Variants in PRR5 observed in about 807,000 individuals in gnomAD.
The protein encoded by PRR5 is proline rich 5.
In PRR5, 25 loss-of-function variants were observed where a neutral mutation model predicts 30.6. The ratio of observed to expected loss-of-function variants is 0.82; its 90% CI spans 0.60 to 1.14. PRR5 has a LOEUF of 1.14. Among genes scored for constraint, PRR5 ranks in the 50% most tolerant of loss-of-function variants. The pLI, the probability that PRR5 is intolerant of heterozygous loss-of-function variation, is 0.00. For synonymous variants in PRR5, 286 were observed against 247.1 expected (o/e 1.16, Z -1.48); for missense variants, 600 against 547.1 (o/e 1.10, Z -0.96).
chr22:44,712,516 G>A (rs1042227068), intron 1 of PRR5, among the ~76,000 whole-genome samples: 5 of 152,224 alleles, frequency 3.3e-5, no homozygotes, highest in African/African-American at 1.2e-4. Flanking sequence ...CTGGGAGAAG[G>A]AGCACAGGGG....
rs374357842 is a variant in PRR5 at position 44,708,697 on chromosome 22, T to A, written c.135-5894T>A. ...AATGGTACAGGGAGGCCAAACGCCG[T>A]AGCTCATGCCTGTAATCCCAGCACT... On this transcript the variant is annotated intron_variant, in intron 1 of 7. Coordinates refer to ENST00000336985, the MANE Select transcript of PRR5 (RefSeq NM_181333.4). Among the ~76,000 whole-genome samples the A allele has an allele frequency of 5.3e-5, 8 of 152,270 alleles. No individual in the cohort carries two copies. In the East Asian group the frequency reaches 1.2e-3, roughly 22 times the overall value.
At chr22:44,731,931 C>A in intron 5 of PRR5, 110 bp downstream of exon 5, 1 of 943,896 alleles carries the variant, frequency 1.1e-6, no homozygotes, top group Non-Finnish European at 1.5e-6. Flanking sequence ...ACCTGCTCTG[C>A]TCTGTGCTGC....
Position 44,735,013 on chromosome 22 carries a change from C to T in PRR5, c.556-14C>T, listed in dbSNP as rs1403936661. The T allele has an allele frequency of 1.9e-6, 3 of 1,609,870 alleles. No individual in the cohort carries two copies. Among genetic ancestry groups the T allele is most frequent in the Non-Finnish European group, 2.5e-6 (3 of 1,177,644 alleles). The stretch of plus-strand genomic sequence containing the variant: ...GGTGCATGACCCCCTACCCCCTGCC[C>T]CACTCTCCTGCAGGGGGTACATGAG... On this transcript the variant is annotated splice_polypyrimidine_tract_variant and intron_variant, in intron 6 of 7. Transcript: ENST00000336985.
chr22:44,708,429 T>C (rs1002037834), intron 1 of PRR5, among the ~76,000 whole-genome samples: 6 of 151,982 alleles, frequency 3.9e-5, no homozygotes, highest in African/African-American at 1.5e-4. Flanking sequence ...GGCAGGGCCC[T>C]AAAGGACCTT....
At chr22:44,733,019 A>ATACTACACACG (rs1569112293) in intron 6 of PRR5, among the ~76,000 whole-genome samples, 1 of 37,940 alleles carries the variant, frequency 2.6e-5, no homozygotes, top group African/African-American at 4.2e-5. Flanking sequence ...ACACGTGCAC[A>ATACTACACACG]TGCACATACA....
intron 4 of PRR5, among the ~76,000 whole-genome samples, chr22:44,728,511 G>A (rs764119696): frequency 2.6e-5 from 4 of 152,244 alleles, no homozygotes; most frequent in Non-Finnish European, 5.9e-5. Context: ...TTGTGAAGGA[G>A]TGTCCTGGGG....
intron 1 of PRR5, among the ~76,000 whole-genome samples, chr22:44,712,799 G>A (rs1928459204): frequency 6.6e-6 from 1 of 152,208 alleles, no homozygotes. Flanking sequence ...TCCTGGGTGG[G>A]CGGTGGCTGT....
At chr22:44,684,394 A>C (rs893162442) in intron 1 of PRR5, among the ~76,000 whole-genome samples, 3 of 152,168 alleles carry the variant, frequency 2.0e-5, no homozygotes, top group Non-Finnish European at 4.4e-5. Flanking sequence ...AAAAATACAA[A>C]AATTAGCTGG....
chr22:44,692,710 G>T (rs1925389226), intron 1 of PRR5, among the ~76,000 whole-genome samples: 1 of 152,220 alleles, frequency 6.6e-6, no homozygotes, highest in South Asian at 2.1e-4. Context: ...AAGGTGCCTT[G>T]GGAAGAATAC....
At position 44,736,996 on chromosome 22, in the gene PRR5, A is replaced by T; in HGVS notation, c.916A>T (p.Thr306Ser). The T allele has an allele frequency of 1.9e-6, 3 of 1,600,052 alleles. No individual in the cohort carries two copies. The highest frequency in any genetic ancestry group is 2.6e-6 in the Non-Finnish European group (3 of 1,173,488). ...CCCGCCCGGCCAGGGCCCCACCGGGACCTTCAGGTCCTCCCCGGCGCCCCA... is the reference window on the plus strand; with the variant it reads ...CCCGCCCGGCCAGGGCCCCACCGGGTCCTTCAGGTCCTCCCCGGCGCCCCA... ...SDPPGQGPTG[T>S]FRSSPAPHSG... The change falls in exon 8 of 8, where the codon ACC becomes TCC. Residue 306 changes from threonine (T) to serine (S), a missense_variant. Physicochemically the swap from Thr to Ser is moderately conservative, Grantham distance 58. Transcript: ENST00000336985.
upstream of PRR5, chr22:44,676,941 C>T (rs1035114182): frequency 1.3e-5 from 2 of 152,272 alleles, no homozygotes; most frequent in African/African-American, 4.8e-5. Context: ...AGCTCCCACC[C>T]GAGCCTGCAG....
At chr22:44,695,373 G>C (rs1004509269) in intron 1 of PRR5, among the ~76,000 whole-genome samples, 3 of 152,162 alleles carry the variant, frequency 2.0e-5, no homozygotes, top group African/African-American at 7.2e-5. Context: ...TGGCTACAAG[G>C]ATCAATAACA....
Position 44,735,049 on chromosome 22 carries a change from T to G in PRR5, c.578T>G (p.Val193Gly). 1 of 1,612,666 alleles carries G rather than the reference T, an allele frequency of 6.2e-7. No homozygotes were observed. Residue 193 changes from valine to glycine, a missense_variant, in exon 7 of 8, where the codon GTG (valine) becomes GGG (glycine). Physicochemically the swap from Val to Gly is moderately radical, Grantham distance 109 (BLOSUM62 -3). Transcript: ENST00000336985. ...CAGGGGGTACATGAGTCCAGGGGCG[T>G]GACTGAGGACTACCTGCGCCTGGAG... Reference protein sequence around the residue: ...VLQGVHESRGVTEDYLRLETL... With the variant: ...VLQGVHESRGGTEDYLRLETL...
chr22:44,699,199 C>T (rs79494295), upstream of PRR5, among the ~76,000 whole-genome samples: 5,046 of 152,324 alleles, frequency 0.033, 200 homozygotes, highest in African/African-American at 0.097. Flanking sequence ...GCATTCCCAG[C>T]CCCCTGTTTC....
intron 1 of PRR5, among the ~76,000 whole-genome samples, chr22:44,707,378 C>T (rs1927392625): frequency 1.3e-5 from 2 of 152,202 alleles, no homozygotes; most frequent in Admixed American, 6.5e-5. Context: ...TGCACGCCAG[C>T]CTCAGGACCC....
At chr22:44,720,673 C>T (rs1021522834) in intron 2 of PRR5, among the ~76,000 whole-genome samples, 1 of 152,190 alleles carries the variant, frequency 6.6e-6, no homozygotes, top group Non-Finnish European at 1.5e-5. Context: ...CTGAACTGGC[C>T]ACTCATCCTC....
rs888883684 is a variant in PRR5, at chr22:44,691,774, C to CA, written c.-10-10707dup. Among the ~76,000 whole-genome samples, 46 of 144,326 alleles carry CA rather than the reference C, an allele frequency of 3.2e-4. No individual in the cohort carries two copies. Among genetic ancestry groups the CA allele is most frequent in the South Asian group, 2.0e-3 (9 of 4,576 alleles). 94.7% of individuals were successfully genotyped at this position (144,326 alleles called of 152,430 possible). On this transcript the variant is annotated intron_variant, in intron 1 of 8. Transcript: ENST00000006251. This position sits in a 1 kb window ranked among gnomAD's most constrained non-coding sequence, Gnocchi z 4.4. ...GCGCGACGGGAGCAAGACTCCATCT[C>CA]AAAAAAAAAAAGACACTGAAATCCA... is the stretch of plus-strand genomic sequence containing the variant.
intron 1 of PRR5, chr22:44,679,774 G>T (rs771829268): frequency 5.1e-6 from 8 of 1,569,444 alleles, no homozygotes; most frequent in African/African-American, 1.4e-5. Context: ...GTCTGATGGG[G>T]CAGGCTGGTC....
intron 1 of PRR5, among the ~76,000 whole-genome samples, chr22:44,703,912 A>C (rs1019012859): frequency 3.9e-5 from 6 of 152,150 alleles, no homozygotes; most frequent in Non-Finnish European, 8.8e-5. Flanking sequence ...GTTCTCCTCC[A>C]GTATTGAGAT....
Sources: allele counts gnomAD v4.1 joint callset (sites outside exome capture counted in the v4.1 genomes callset), GRCh38; gene constraint gnomAD v4.1.1; non-coding constraint Gnocchi (gnomAD v3.1); transcripts MANE v1.5; gene names NCBI Gene and HGNC (gene_info 2026-07-23, HGNC 2026-07-21).